The following DDX23 variants were observed in gnomAD, a reference collection of about 807,000 sequenced individuals.
The protein encoded by DDX23 is probable ATP-dependent RNA helicase DDX23.
A neutral mutation model predicts 102.7 loss-of-function variants in DDX23; 33 were observed. The ratio of observed to expected loss-of-function variants is 0.32; its 90% CI spans 0.24 to 0.43. The LOEUF (loss-of-function observed/expected upper bound fraction) is 0.43, where lower values mean the gene tolerates loss of function less well. Among genes scored for constraint, DDX23 ranks in the 20% least tolerant of loss-of-function variants. The probability of loss-of-function intolerance (pLI) is 1.00; values close to 1 mark genes in which losing one functional copy is unlikely to be tolerated. For missense variants in DDX23, 549 were observed against 1,086.6 expected, an observed-to-expected ratio of 0.51 and a Z score of 6.96; for synonymous variants, 352 against 376.0, an observed-to-expected ratio of 0.94 and a Z score of 0.74.
Position 48,830,722 on chromosome 12 carries a change from T to C in DDX23, c.2240-30A>G, listed in dbSNP as rs747296964. 2 of 1,571,700 alleles carry C rather than the reference T, an allele frequency of 1.3e-6. No homozygotes were observed. The highest frequency in any genetic ancestry group is 1.7e-6 in the Non-Finnish European group (2 of 1,157,092). ...GGAATGGGAAGAACGTCACTCAGCATAGCCCAGATGCCCTGGGGAGCCGTG... is the reference window on the plus strand; with the variant it reads ...GGAATGGGAAGAACGTCACTCAGCACAGCCCAGATGCCCTGGGGAGCCGTG... On this transcript the variant is annotated intron_variant, in intron 16 of 16. Coordinates refer to ENST00000308025, the MANE Select transcript of DDX23 (RefSeq NM_004818.3). This position sits in a 1 kb window ranked among gnomAD's most constrained non-coding sequence, Gnocchi z 4.9.
chr12:48,837,714 G>C lies in DDX23; in HGVS notation c.620-57C>G. On this transcript the variant is annotated intron_variant, in intron 6 of 16. Coordinates refer to ENST00000308025, the MANE Select transcript of DDX23 (RefSeq NM_004818.3). ...AGCTCATGGAAGAAAAGAGGAGAGGGAATGGAGGGAATCCAGACGAGGAAC... is the reference window on the plus strand; with the variant it reads ...AGCTCATGGAAGAAAAGAGGAGAGGCAATGGAGGGAATCCAGACGAGGAAC... 2.5e-6 allele frequency: 4 copies of C among 1,603,042 alleles called. No individual in the cohort carries two copies. In the South Asian group the frequency reaches 4.5e-5, roughly 18 times the overall value.
In DDX23 at chr12:48,833,259, C is replaced by T. The variant is rs1938418036; in HGVS notation, c.1803+18G>A. 1.2e-6 allele frequency: 2 copies of T among 1,613,732 alleles called. No homozygotes were observed. Among genetic ancestry groups the T allele is most frequent in the Middle Eastern group, 3.3e-4 (2 of 6,062 alleles). ...CTTGGCCTGTCCAACTTTTCCCAGC[C>T]CAGGGAAGCAGCCTTACTTGGCGGT... On this transcript the variant is annotated intron_variant, in intron 13 of 16. Coordinates refer to ENST00000308025, the MANE Select transcript of DDX23 (RefSeq NM_004818.3).
Position 48,845,713 on chromosome 12 carries a change from G to C in DDX23, c.70C>G (p.Arg24Gly), listed in dbSNP as rs775915317. The part of the protein sequence containing the change: ...SPSKEERKRS[R>G]TPDRERDRDR... Reference sequence around the variant, plus strand: ...CTATCCCGCTCTCTGTCAGGAGTCCGTGATCGCTTCCTTTCCTCCTTGGAA... The same window carrying C: ...CTATCCCGCTCTCTGTCAGGAGTCCCTGATCGCTTCCTTTCCTCCTTGGAA... Residue 24 changes from arginine (R) to glycine (G), a missense_variant, in exon 2 of 17, where the codon CGG (arginine) becomes GGG (glycine). This residue lies in a region of DDX23 where 241 missense variants were observed against 267.0 expected (regional missense o/e 0.90). Coordinates refer to ENST00000308025, the MANE Select transcript of DDX23 (RefSeq NM_004818.3). 6.2e-7 allele frequency: 1 copy of C among 1,614,210 alleles called. No individual in the cohort carries two copies. Among genetic ancestry groups the C allele is most frequent in the Admixed American group, 1.7e-5 (1 of 60,024 alleles).
intron 1 of DDX23, among the ~76,000 whole-genome samples, chr12:48,849,019 G>C (rs1355773069): frequency 1.3e-5 from 2 of 151,922 alleles, no homozygotes; most frequent in Non-Finnish European, 2.9e-5. Flanking sequence ...CAAAGTGCTG[G>C]GATAACAAGC....
chr12:48,829,872 C>T lies in DDX23; in HGVS notation c.*597G>A. 4.0e-6 allele frequency: 1 copy of T among 250,470 alleles called. No individual in the cohort carries two copies. The highest frequency in any genetic ancestry group is 7.9e-6 in the Non-Finnish European group (1 of 127,172). The allele number at this position is 250,470 out of a possible 1,614,324, so 15.5% of individuals were successfully genotyped here. Reference sequence around the variant, plus strand: ...ATGGACACAGCCAGTTCACCGTGTCCCCCCATCTACTTAGAAAATCCCCTG... The same window carrying T: ...ATGGACACAGCCAGTTCACCGTGTCTCCCCATCTACTTAGAAAATCCCCTG... On this transcript the variant is annotated 3_prime_UTR_variant, in exon 17 of 17. Transcript: ENST00000308025.
chr12:48,840,253 G>A, intron 3 of DDX23, 147 bp from the exon 4 acceptor site: 2 of 729,704 alleles, frequency 2.7e-6, no homozygotes, highest in Non-Finnish European at 5.0e-6. Context: ...AACTCTCTTA[G>A]CAGGCATGGT....
chr12:48,843,814 C>T (rs1482408701), intron 3 of DDX23, 126 bp downstream of exon 3: 1 of 964,952 alleles, frequency 1.0e-6, no homozygotes, highest in African/African-American at 1.6e-5. Context: ...TCCCAAAGTG[C>T]TGGGATTACA....
chr12:48,830,565 A>T lies in DDX23; in HGVS notation c.2367T>A (p.Ser789=), dbSNP rs113929889. ...LKQAILESPV[S]SCPPELANHP... is the part of the protein sequence containing the mutation. Reference sequence around the variant, plus strand: ...GGTTGGCTAGTTCGGGGGGACAGGAAGACACTGGGCTTTCCAGGATAGCTT... The same window carrying T: ...GGTTGGCTAGTTCGGGGGGACAGGATGACACTGGGCTTTCCAGGATAGCTT... The change falls in exon 17 of 17, where the codon TCT becomes TCA. Residue 789 remains serine (S), a synonymous_variant. Coordinates refer to ENST00000308025, the MANE Select transcript of DDX23 (RefSeq NM_004818.3). The surrounding 1 kb of genome is among the most constrained non-coding windows in gnomAD (Gnocchi z 4.9). 3.5e-5 allele frequency: 57 copies of T among 1,613,774 alleles called. No individual in the cohort carries two copies. The highest frequency in any genetic ancestry group is 4.8e-5 in the Non-Finnish European group (57 of 1,180,012).
chr12:48,845,179 C>T (rs1413188643), intron 2 of DDX23, among the ~76,000 whole-genome samples: 5 of 146,152 alleles, frequency 3.4e-5, no homozygotes, highest in East Asian at 2.0e-4. Flanking sequence ...AAAGGCCAGG[C>T]GCGGTGGCTC....
Position 48,832,258 on chromosome 12 carries a change from T to C in DDX23, c.1956-72A>G. The C allele has an allele frequency of 3.2e-6, 5 of 1,574,758 alleles. No individual in the cohort carries two copies. In the South Asian group the frequency reaches 5.6e-5, roughly 18 times the overall value. ...AAGTGAAATGCCCAACCCTCATCTA[T>C]GAACACTACTTTCAGGGTCTTTAAT... On this transcript the variant is annotated intron_variant, in intron 14 of 16. Transcript: ENST00000308025. The surrounding 1 kb of genome is among the most constrained non-coding windows in gnomAD (Gnocchi z 4.4).
In DDX23 at chr12:48,844,006, C is replaced by G. The variant is rs1592204142; in HGVS notation, c.254G>C (p.Arg85Pro). 1 of 1,614,016 alleles carries G rather than the reference C, an allele frequency of 6.2e-7. No individual in the cohort carries two copies. The highest frequency in any genetic ancestry group is 1.3e-5 in the African/African-American group (1 of 74,918). The change falls in exon 3 of 17, where the codon CGG (arginine) becomes CCG (proline). Residue 85 changes from arginine to proline, a missense_variant. Arg to Pro is a moderately radical substitution (Grantham distance 103). Transcript: ENST00000308025. ...KERERDKERD[R>P]NKKDRDRDKD... ...GTCTCGATCTCGGTCCTTCTTATTC[C>G]GATCCCGCTCCTTATCTCGTTCTCG...
intron 15 of DDX23, among the ~76,000 whole-genome samples, chr12:48,831,565 C>T (rs556592968): frequency 1.3e-5 from 2 of 152,162 alleles, no homozygotes; most frequent in South Asian, 2.1e-4. Flanking sequence ...GCTGGGAGAG[C>T]GGTGGAGCCA....
At chr12:48,849,513 T>C (rs1225503432) in intron 1 of DDX23, among the ~76,000 whole-genome samples, 1 of 151,772 alleles carries the variant, frequency 6.6e-6, no homozygotes, top group Non-Finnish European at 1.5e-5. Flanking sequence ...AATACAAAAA[T>C]TAGCCAGGCG....
intron 3 of DDX23, among the ~76,000 whole-genome samples, chr12:48,842,066 C>T (rs1225603113): frequency 4.7e-5 from 6 of 128,976 alleles, no homozygotes; most frequent in Admixed American, 8.1e-5. Flanking sequence ...CCCCTCCGCC[C>T]GGCAGCCACA....
At chr12:48,846,395 A>G (rs1938667772) in intron 1 of DDX23, among the ~76,000 whole-genome samples, 1 of 152,216 alleles carries the variant, frequency 6.6e-6, no homozygotes, top group African/African-American at 2.4e-5. Context: ...GAAACATCCT[A>G]TATTGCTTAC....
At chr12:48,842,708 G>A (rs1389058038) in intron 3 of DDX23, among the ~76,000 whole-genome samples, 3 of 148,260 alleles carry the variant, frequency 2.0e-5, no homozygotes, top group African/African-American at 5.0e-5. Context: ...CAGCCGCCCC[G>A]TCCAGGAGGT....
At chr12:48,837,094 G>A in intron 8 of DDX23, 57 bp from the exon 9 acceptor site, 2 of 1,608,634 alleles carry the variant, frequency 1.2e-6, no homozygotes, top group Non-Finnish European at 1.7e-6. Flanking sequence ...CAGTAGGAAG[G>A]AAGGGCAGAC....
chr12:48,832,382 AT>A lies in DDX23; in HGVS notation c.1955+39del, dbSNP rs1304507115. 3 of 1,602,038 alleles carry A rather than the reference AT, an allele frequency of 1.9e-6. No homozygotes were observed. The African/African-American group carries it at 4.0e-5, about 21-fold the overall frequency. On this transcript the variant is annotated intron_variant, in intron 14 of 16. Transcript: ENST00000308025. This position sits in a 1 kb window ranked among gnomAD's most constrained non-coding sequence, Gnocchi z 4.4. ...CTAAAAAAGTTCTCAGAGCCATTTT[AT>A]TCTCCACCCTGTTTCCCCTGGCTCA...
intron 12 of DDX23, among the ~76,000 whole-genome samples, chr12:48,834,113 T>C (rs1353203804): frequency 6.6e-6 from 1 of 152,204 alleles, no homozygotes; most frequent in East Asian, 1.9e-4. Flanking sequence ...ACCACTCTCA[T>C]ACATTATTGT....
Sources: gnomAD v4.1 joint callset for allele counts (sites outside exome capture counted in the v4.1 genomes callset) on GRCh38, gnomAD v4.1.1 for gene constraint, gnomAD v4.1.1 regional missense constraint, Gnocchi (gnomAD v3.1) non-coding constraint, MANE v1.5 for transcripts, NCBI Gene and HGNC (gene_info 2026-07-23, HGNC 2026-07-21) for gene names.